PCDHA3: variants seen among roughly 807,000 people sequenced by gnomAD.
The protein encoded by PCDHA3 is protocadherin alpha-3.
PCDHA3 carries 41 observed loss-of-function variants against 62.2 expected under a neutral mutation model. That is an observed-to-expected ratio of 0.66 (90% CI 0.51 to 0.86). The LOEUF (loss-of-function observed/expected upper bound fraction) is 0.86. PCDHA3 is among the 40% of genes least tolerant of loss of function. The probability of loss-of-function intolerance (pLI) is 0.00; values close to 1 mark genes in which losing one functional copy is unlikely to be tolerated. For synonymous variants in PCDHA3, 640 were observed against 555.4 expected, an observed-to-expected ratio of 1.15 and a Z score of -2.14; for missense variants, 1,304 against 1,241.2, an observed-to-expected ratio of 1.05 and a Z score of -0.76.
At chr5:140,927,524 C>T in intron 1 of PCDHA3, 3 of 1,614,104 alleles carry the variant, frequency 1.9e-6, no homozygotes, top group Non-Finnish European at 2.5e-6. Flanking sequence ...GGCGGGCTAC[C>T]TGCCCGCTCA....
intron 1 of PCDHA3, among the ~76,000 whole-genome samples, chr5:140,961,103 A>G (rs531762252): frequency 6.6e-6 from 1 of 152,254 alleles, no homozygotes; most frequent in South Asian, 2.1e-4. Context: ...TTGGTCACCC[A>G]ACCCCCTTGC....
At chr5:140,941,220 TTTC>T (rs2092903024) in intron 1 of PCDHA3, among the ~76,000 whole-genome samples, 1 of 131,326 alleles carries the variant, frequency 7.6e-6, no homozygotes, top group Non-Finnish European at 1.6e-5. Flanking sequence ...TCTTCCTTTC[TTTC>T]TTTCTTTCTT....
In PCDHA3 at chr5:140,856,768, C is replaced by G; in HGVS notation, c.2394+53177C>G. 1.3e-6 allele frequency: 2 copies of G among 1,596,818 alleles called. 1 individual carries two copies. ...TAGATGCCAATGATAACGCCCCTAT[C>G]TTTGACAGACCGGTTTATGAAGTTA... On this transcript the variant is annotated intron_variant, in intron 1 of 3. Coordinates refer to ENST00000522353, the MANE Select transcript of PCDHA3 (RefSeq NM_018906.3).
At chr5:140,983,461 A>G (rs1291305158) in intron 3 of PCDHA3, among the ~76,000 whole-genome samples, 1 of 152,238 alleles carries the variant, frequency 6.6e-6, no homozygotes, top group Non-Finnish European at 1.5e-5. Flanking sequence ...TTAATAGAAC[A>G]TCATGATGAT....
intron 1 of PCDHA3, among the ~76,000 whole-genome samples, chr5:140,893,662 A>C (rs1462433571): frequency 6.6e-6 from 1 of 152,204 alleles, no homozygotes; most frequent in Non-Finnish European, 1.5e-5. Flanking sequence ...GTTTTAAAAA[A>C]TTTCAGCACT....
rs782169362 is a variant in PCDHA3 at position 140,979,015 on chromosome 5, T to A, written c.2453+8T>A. The A allele has an allele frequency of 6.2e-7, 1 of 1,613,920 alleles. No homozygotes were observed. Among genetic ancestry groups the A allele is most frequent in the Non-Finnish European group, 8.5e-7 (1 of 1,179,908 alleles). On this transcript the variant is annotated splice_region_variant and intron_variant, in intron 2 of 3. Coordinates refer to ENST00000522353, the MANE Select transcript of PCDHA3 (RefSeq NM_018906.3). ...GAGAGCAGGCATGCACAGGTATGTA[T>A]TTCCCTCCTCATTCACTCAGAAGTA...
intron 3 of PCDHA3, among the ~76,000 whole-genome samples, chr5:140,993,762 A>G (rs1019928055): frequency 2.6e-5 from 4 of 152,204 alleles, no homozygotes; most frequent in Non-Finnish European, 4.4e-5. Flanking sequence ...TTATATTACA[A>G]TTGCGCAGTA....
At chr5:140,848,371 A>C in intron 1 of PCDHA3, 2 of 1,131,148 alleles carry the variant, frequency 1.8e-6, no homozygotes, top group South Asian at 3.0e-5. Context: ...AAAGAGGCTC[A>C]ATTCTTTTTC....
chr5:140,897,701 C>T (rs1161358145), intron 1 of PCDHA3, among the ~76,000 whole-genome samples: 58 of 152,238 alleles, frequency 3.8e-4, no homozygotes, highest in Non-Finnish European at 7.4e-4. Flanking sequence ...TGGGCATATA[C>T]CCAGTAATGG....
intron 1 of PCDHA3, among the ~76,000 whole-genome samples, chr5:140,956,546 G>A (rs1330264002): frequency 1.3e-5 from 2 of 152,158 alleles, no homozygotes; most frequent in Non-Finnish European, 2.9e-5. Flanking sequence ...GCTGGATTTG[G>A]TTTGCCAGTA....
chr5:140,882,720 G>T, intron 1 of PCDHA3: 2 of 1,614,198 alleles, frequency 1.2e-6, no homozygotes, highest in Non-Finnish European at 1.7e-6. Context: ...CCGGAAACTC[G>T]ATTTCCACTA....
chr5:140,911,605 T>C (rs2075559169), intron 1 of PCDHA3, among the ~76,000 whole-genome samples: 1 of 152,224 alleles, frequency 6.6e-6, no homozygotes, highest in Non-Finnish European at 1.5e-5. Context: ...AACTTCATTA[T>C]GTTCCTTAGT....
At chr5:140,889,160 A>T (rs1582978614) in intron 1 of PCDHA3, among the ~76,000 whole-genome samples, 1 of 151,778 alleles carries the variant, frequency 6.6e-6, no homozygotes, top group Middle Eastern at 3.4e-3. Context: ...TTCTTTGTTA[A>T]GTATTCAAGT....
At chr5:140,850,974 GT>G in intron 1 of PCDHA3, 1 of 1,455,106 alleles carries the variant, frequency 6.9e-7, no homozygotes, top group Non-Finnish European at 9.2e-7. Flanking sequence ...CGTTCAAATA[GT>G]TTTATTCATT....
chr5:140,891,589 C>T (rs1459113596), intron 1 of PCDHA3, among the ~76,000 whole-genome samples: 1 of 152,166 alleles, frequency 6.6e-6, no homozygotes, highest in East Asian at 1.9e-4. Context: ...TCTTATTACT[C>T]TATCCCATCT....
chr5:140,865,345 A>T (rs555567469), intron 1 of PCDHA3: 4 of 152,320 alleles, frequency 2.6e-5, no homozygotes, highest in African/African-American at 9.6e-5. Context: ...GAAATAGTAT[A>T]TTTACATATT....
chr5:140,873,131 T>C (rs895883185), intron 1 of PCDHA3, among the ~76,000 whole-genome samples: 7 of 152,334 alleles, frequency 4.6e-5, no homozygotes, highest in Admixed American at 3.9e-4. Context: ...TCAAAGAGTC[T>C]ATGCTGAAGC....
chr5:140,952,442 A>G (rs1431756877), intron 1 of PCDHA3, among the ~76,000 whole-genome samples: 1 of 152,178 alleles, frequency 6.6e-6, no homozygotes, highest in African/African-American at 2.4e-5. Context: ...CAGGCATAAT[A>G]CAGCCAGGCT....
At chr5:140,808,169 C>T in intron 1 of PCDHA3, 1 of 1,614,232 alleles carries the variant, frequency 6.2e-7, no homozygotes, top group Non-Finnish European at 8.5e-7. Flanking sequence ...TAAGGGACAG[C>T]TCCCACTTTC....
Sources: allele counts gnomAD v4.1 joint callset (sites outside exome capture counted in the v4.1 genomes callset), GRCh38; gene constraint gnomAD v4.1.1; transcripts MANE v1.5; gene names NCBI Gene and HGNC (gene_info 2026-07-23, HGNC 2026-07-21).